CCDC138: variants seen among roughly 807,000 people sequenced by gnomAD.
CCDC138 encodes coiled-coil domain containing 138.
In CCDC138, 66 loss-of-function variants were observed where a neutral mutation model predicts 82.3. The observed-to-expected ratio is 0.80, with a 90% CI of 0.66 to 0.98. The LOEUF (loss-of-function observed/expected upper bound fraction) is 0.98. CCDC138 is among the 50% of genes least tolerant of loss of function. The pLI, the probability that CCDC138 is intolerant of heterozygous loss-of-function variation, is 0.00. For synonymous variants in CCDC138, 297 were observed against 265.4 expected, an observed-to-expected ratio of 1.12 and a Z score of -1.16; for missense variants, 816 against 758.9, an observed-to-expected ratio of 1.08 and a Z score of -0.88.
chr2:108,815,727 A>C (rs887233766), intron 9 of CCDC138, among the ~76,000 whole-genome samples: 1 of 152,006 alleles, frequency 6.6e-6, no homozygotes, highest in Admixed American at 6.6e-5. Flanking sequence ...CAGCCTCCCA[A>C]AGTGGTGGGA....
At chr2:108,830,720 G>C (rs1169495700) in intron 10 of CCDC138, among the ~76,000 whole-genome samples, 1 of 151,976 alleles carries the variant, frequency 6.6e-6, no homozygotes, top group Non-Finnish European at 1.5e-5. Flanking sequence ...AGGCAAGAGA[G>C]TCGCTTGAAC....
chr2:108,827,739 C>T (rs1299336228), intron 10 of CCDC138, among the ~76,000 whole-genome samples: 1 of 151,552 alleles, frequency 6.6e-6, no homozygotes, highest in Non-Finnish European at 1.5e-5. Context: ...TGGCATGAAC[C>T]CAGGAGGCGG....
intron 10 of CCDC138, among the ~76,000 whole-genome samples, chr2:108,837,844 A>G (rs1489369482): frequency 6.6e-6 from 1 of 152,134 alleles, no homozygotes; most frequent in Non-Finnish European, 1.5e-5. Context: ...ACTGTAAGAG[A>G]GTATATGGCT....
At chr2:108,800,640 ATT>A (rs1558980865) in intron 6 of CCDC138, among the ~76,000 whole-genome samples, 2 of 32,292 alleles carry the variant, frequency 6.2e-5, no homozygotes, top group Non-Finnish European at 1.2e-4. Flanking sequence ...TTTTTTTTTA[ATT>A]ATACTTTAAG....
chr2:108,790,136 A>G (rs1679665138), intron 3 of CCDC138, among the ~76,000 whole-genome samples: 1 of 152,166 alleles, frequency 6.6e-6, no homozygotes, highest in African/African-American at 2.4e-5. Flanking sequence ...TAAGTACTCA[A>G]ATGTTACCTA....
In CCDC138 at chr2:108,839,207, A is replaced by G. The variant is rs1220287302; in HGVS notation, c.1229A>G (p.Gln410Arg). 22 of 1,611,442 alleles carry G rather than the reference A, an allele frequency of 1.4e-5. No individual in the cohort carries two copies. The highest frequency in any genetic ancestry group is 1.9e-5 in the Non-Finnish European group (22 of 1,178,550). The change falls in exon 11 of 15, where the codon CAG becomes CGG. Residue 410 changes from glutamine to arginine, a missense_variant. By Grantham distance (43) the Gln-to-Arg change is conservative. Transcript: ENST00000295124. ...CVKLLPLMTE[Q>R]LQWMPFVNIK... ...TAGCTTTTGCCTCTAATGACAGAGC[A>G]GCTACAGTGGATGCCATTTGTGAAT... is the stretch of plus-strand genomic sequence containing the variant.
At chr2:108,829,256 A>G (rs1422074081) in intron 10 of CCDC138, among the ~76,000 whole-genome samples, 1 of 152,210 alleles carries the variant, frequency 6.6e-6, no homozygotes, top group Admixed American at 6.5e-5. Context: ...TACCCACAAT[A>G]TATAAGGAAC....
chr2:108,806,127 A>G (rs1160577281), intron 7 of CCDC138, among the ~76,000 whole-genome samples: 1 of 152,058 alleles, frequency 6.6e-6, no homozygotes, highest in East Asian at 1.9e-4. Flanking sequence ...TTCTCACCTG[A>G]TCTAATTCTT....
chr2:108,825,447 C>T (rs1051008651), intron 10 of CCDC138, among the ~76,000 whole-genome samples: 7 of 152,038 alleles, frequency 4.6e-5, no homozygotes, highest in Admixed American at 4.6e-4. Flanking sequence ...AAAACCCAAC[C>T]CATTAGCAGT....
intron 11 of CCDC138, among the ~76,000 whole-genome samples, chr2:108,841,485 A>G (rs925610581): frequency 3.3e-5 from 5 of 152,088 alleles, no homozygotes; most frequent in Admixed American, 3.3e-4. Flanking sequence ...CCTTTTTATC[A>G]TTTTATAATG....
chr2:108,806,346 A>C (rs1682878968), intron 7 of CCDC138, among the ~76,000 whole-genome samples: 1 of 152,130 alleles, frequency 6.6e-6, no homozygotes, highest in African/African-American at 2.4e-5. Flanking sequence ...ATCCTTAATA[A>C]TTTTGCATGT....
At chr2:108,858,531 T>C (rs1693010139) in intron 13 of CCDC138, among the ~76,000 whole-genome samples, 1 of 152,180 alleles carries the variant, frequency 6.6e-6, no homozygotes, top group Admixed American at 6.5e-5. Flanking sequence ...CTTGCTTGAA[T>C]TTTAATGTAA....
chr2:108,871,166 A>G (rs1259985601), intron 13 of CCDC138, among the ~76,000 whole-genome samples: 1 of 152,128 alleles, frequency 6.6e-6, no homozygotes, highest in Non-Finnish European at 1.5e-5. Flanking sequence ...AATGGCATGC[A>G]TTATACATGT....
intron 12 of CCDC138, among the ~76,000 whole-genome samples, chr2:108,851,535 C>G (rs1475300113): frequency 1.3e-5 from 2 of 152,152 alleles, no homozygotes; most frequent in Non-Finnish European, 2.9e-5. Context: ...CTCCTGAATT[C>G]AGGTGATCCG....
downstream of CCDC138, among the ~76,000 whole-genome samples, chr2:108,881,404 G>A (rs1023757323): frequency 1.3e-5 from 2 of 152,218 alleles, no homozygotes; most frequent in African/African-American, 4.8e-5. Flanking sequence ...TGGCCGATTT[G>A]TATCAAGACC....
chr2:108,851,592 C>G (rs185156023), intron 12 of CCDC138, among the ~76,000 whole-genome samples: 2 of 151,494 alleles, frequency 1.3e-5, no homozygotes, highest in South Asian at 2.1e-4. Context: ...CGTGAGCCAC[C>G]GCGCCCGGCC....
At chr2:108,868,042 G>A (rs189764950) in intron 13 of CCDC138, among the ~76,000 whole-genome samples, 8 of 152,140 alleles carry the variant, frequency 5.3e-5, no homozygotes, top group African/African-American at 1.2e-4. Context: ...GTCAGTTATC[G>A]ACAGGCTGAT....
chr2:108,862,080 T>TG (rs967712088), intron 13 of CCDC138, among the ~76,000 whole-genome samples: 9 of 151,276 alleles, frequency 5.9e-5, no homozygotes, highest in Non-Finnish European at 1.0e-4. Context: ...GATTTCAGTT[T>TG]TTTTTTTTTT....
chr2:108,791,013 C>A (rs1241373472), intron 3 of CCDC138, among the ~76,000 whole-genome samples: 2 of 152,108 alleles, frequency 1.3e-5, no homozygotes, highest in African/African-American at 2.4e-5. Context: ...ACTCCCACTT[C>A]GGCCTCCCAA....
Sources: gnomAD v4.1 joint callset for allele counts (sites outside exome capture counted in the v4.1 genomes callset) on GRCh38, gnomAD v4.1.1 for gene constraint, MANE v1.5 for transcripts, NCBI Gene and HGNC (gene_info 2026-07-23, HGNC 2026-07-21) for gene names.